CACNA2D2: variants seen among roughly 807,000 people sequenced by gnomAD.
CACNA2D2 encodes the protein calcium voltage-gated channel auxiliary subunit alpha2delta 2.
In CACNA2D2, 48 loss-of-function variants were observed where a neutral mutation model predicts 166.4. That is an observed-to-expected ratio of 0.29 (90% CI 0.23 to 0.37). The LOEUF is 0.37. Among genes scored for constraint, CACNA2D2 ranks in the 10% least tolerant of loss-of-function variants. The pLI is 1.00. For synonymous variants in CACNA2D2, 561 were observed against 573.7 expected (o/e 0.98, Z 0.32); for missense variants, 1,122 against 1,433.0 (o/e 0.78, Z 3.50).
intron 2 of CACNA2D2, among the ~76,000 whole-genome samples, chr3:50,463,445 C>T (rs1198175310): frequency 6.6e-6 from 1 of 152,198 alleles, no homozygotes; most frequent in Non-Finnish European, 1.5e-5. Flanking sequence ...ACCACAGGTG[C>T]ACGCCACCAC....
chr3:50,398,855 ACC>A (rs1706291642), intron 3 of CACNA2D2, among the ~76,000 whole-genome samples: 1 of 152,200 alleles, frequency 6.6e-6, no homozygotes, highest in Non-Finnish European at 1.5e-5. Flanking sequence ...AGCTCTGGGA[ACC>A]ATTCTTACAG....
intron 1 of CACNA2D2, among the ~76,000 whole-genome samples, chr3:50,484,681 A>T (rs1473018960): frequency 6.6e-6 from 1 of 152,082 alleles, no homozygotes; most frequent in South Asian, 2.1e-4. Context: ...GCAGCAACTG[A>T]TCTCCACGTC....
intron 2 of CACNA2D2, among the ~76,000 whole-genome samples, chr3:50,458,728 C>A (rs1709472401): frequency 6.6e-6 from 1 of 152,236 alleles, no homozygotes; most frequent in African/African-American, 2.4e-5. Context: ...GCACTAGGAA[C>A]AACATTTTGG....
intron 3 of CACNA2D2, among the ~76,000 whole-genome samples, chr3:50,420,539 G>A (rs1707500540): frequency 6.6e-6 from 1 of 152,198 alleles, no homozygotes. Context: ...ACCCACTGCG[G>A]GGCTGTATAC....
intron 2 of CACNA2D2, among the ~76,000 whole-genome samples, chr3:50,462,430 A>G (rs9311454): frequency 0.02 from 2,841 of 141,796 alleles, 49 homozygotes; most frequent in African/African-American, 0.073. Context: ...TAATAATAAT[A>G]ATGATAATAA....
chr3:50,367,355 C>T lies in CACNA2D2; in HGVS notation c.2401+39G>A. 6.4e-7 allele frequency: 1 copy of T among 1,558,782 alleles called. No homozygotes were observed. Among genetic ancestry groups the T allele is most frequent in the Non-Finnish European group, 8.8e-7 (1 of 1,131,568 alleles). ...GGCTGAGCAGACAGGGAAGCTGAGGCTCCCTGCCTGCTGCTGGGCACACTG... is the reference window on the plus strand; with the variant it reads ...GGCTGAGCAGACAGGGAAGCTGAGGTTCCCTGCCTGCTGCTGGGCACACTG... On this transcript the variant is annotated intron_variant, in intron 27 of 37. Transcript: ENST00000424201. This position sits in a 1 kb window ranked among gnomAD's most constrained non-coding sequence, Gnocchi z 6.5.
intron 22 of CACNA2D2, among the ~76,000 whole-genome samples, chr3:50,373,692 G>T (rs1704786583): frequency 7.2e-6 from 1 of 138,814 alleles, no homozygotes; most frequent in Non-Finnish European, 1.6e-5. Context: ...GTGAGCAGGA[G>T]AAAGAGGGAG....
At chr3:50,409,285 T>C (rs1171693787) in intron 3 of CACNA2D2, among the ~76,000 whole-genome samples, 1 of 152,156 alleles carries the variant, frequency 6.6e-6, no homozygotes, top group Non-Finnish European at 1.5e-5. Context: ...GACAACACCC[T>C]GGAAGTGGAG....
At chr3:50,414,987 G>A (rs1332829235) in intron 3 of CACNA2D2, among the ~76,000 whole-genome samples, 1 of 152,246 alleles carries the variant, frequency 6.6e-6, no homozygotes, top group African/African-American at 2.4e-5. Context: ...GCACTGAGGA[G>A]GAGGGAAAGC....
intron 3 of CACNA2D2, among the ~76,000 whole-genome samples, chr3:50,402,021 C>T (rs771182450): frequency 1.3e-5 from 2 of 152,140 alleles, no homozygotes; most frequent in East Asian, 1.9e-4. Context: ...CCAAAGTGGA[C>T]GTTTTAACAT....
intron 6 of CACNA2D2, among the ~76,000 whole-genome samples, chr3:50,382,975 C>G (rs1212812649): frequency 6.6e-6 from 1 of 152,242 alleles, no homozygotes; most frequent in East Asian, 1.9e-4. Context: ...TGCGCACAGA[C>G]CCGTACCCAC....
intron 1 of CACNA2D2, among the ~76,000 whole-genome samples, chr3:50,479,676 GA>G (rs1697959326): frequency 6.6e-6 from 1 of 151,948 alleles, no homozygotes; most frequent in Admixed American, 6.5e-5. Context: ...CACTCCAGCA[GA>G]AGGGAGGGGG....
chr3:50,430,589 C>T (rs1708019318), intron 3 of CACNA2D2, among the ~76,000 whole-genome samples: 1 of 152,186 alleles, frequency 6.6e-6, no homozygotes, highest in African/African-American at 2.4e-5. Flanking sequence ...CAGCCCTGAA[C>T]AGGGCATGGT....
intron 2 of CACNA2D2, among the ~76,000 whole-genome samples, chr3:50,445,250 T>C (rs1044193647): frequency 3.3e-5 from 5 of 152,192 alleles, no homozygotes; most frequent in Non-Finnish European, 7.3e-5. Context: ...GTGCCGGACC[T>C]GGATGGGGCA....
chr3:50,499,090 G>T (rs149439419), intron 1 of CACNA2D2, among the ~76,000 whole-genome samples: 5 of 152,224 alleles, frequency 3.3e-5, no homozygotes. Flanking sequence ...GTGTTGCAGG[G>T]AGTGAGGGAG....
At chr3:50,475,544 G>T (rs1023439470) in intron 2 of CACNA2D2, among the ~76,000 whole-genome samples, 1 of 152,188 alleles carries the variant, frequency 6.6e-6, no homozygotes, top group East Asian at 1.9e-4. Context: ...TGCAGCTTCC[G>T]GGGGTGATGG....
At chr3:50,407,563 C>T (rs907476327) in intron 3 of CACNA2D2, among the ~76,000 whole-genome samples, 3 of 152,184 alleles carry the variant, frequency 2.0e-5, no homozygotes, top group Admixed American at 2.0e-4. Flanking sequence ...AGACAGTGAC[C>T]AGCAGCCACA....
At chr3:50,460,339 C>T (rs1002450430) in intron 2 of CACNA2D2, among the ~76,000 whole-genome samples, 10 of 152,080 alleles carry the variant, frequency 6.6e-5, no homozygotes, top group South Asian at 2.1e-4. Context: ...TTATGCAAGA[C>T]GATAACTTAA....
chr3:50,450,240 G>GCTCCCTTTGAGGGCC (rs1709034098), intron 2 of CACNA2D2, among the ~76,000 whole-genome samples: 1 of 152,142 alleles, frequency 6.6e-6, no homozygotes, highest in African/African-American at 2.4e-5. Context: ...GATCGGCCTG[G>GCTCCCTTTGAGGGCC]CTCCCTTTGA....
Sources: allele counts gnomAD v4.1 joint callset (sites outside exome capture counted in the v4.1 genomes callset), GRCh38; gene constraint gnomAD v4.1.1; non-coding constraint Gnocchi (gnomAD v3.1); transcripts MANE v1.5; gene names NCBI Gene and HGNC (gene_info 2026-07-23, HGNC 2026-07-21).